PRKG1: variants seen among roughly 807,000 people sequenced by gnomAD.
The protein encoded by PRKG1 is protein kinase cGMP-dependent 1.
Under a neutral mutation model 88.1 loss-of-function variants are expected in PRKG1, and 35 were observed. The ratio of observed to expected loss-of-function variants is 0.40; its 90% CI spans 0.30 to 0.53. The LOEUF (loss-of-function observed/expected upper bound fraction) is 0.53. Ranked by LOEUF, PRKG1 falls within the 20% of genes least tolerant of loss-of-function variation. The probability of loss-of-function intolerance (pLI) is 0.59; values close to 1 mark genes in which losing one functional copy is unlikely to be tolerated. For missense variants in PRKG1, 540 were observed against 839.8 expected, an observed-to-expected ratio of 0.64 and a Z score of 4.41; for synonymous variants, 303 against 292.5, an observed-to-expected ratio of 1.04 and a Z score of -0.37.
intron 1 of PRKG1, among the ~76,000 whole-genome samples, chr10:51,086,759 A>G (rs954659918): frequency 6.6e-6 from 1 of 152,142 alleles, no homozygotes; most frequent in Non-Finnish European, 1.5e-5. Flanking sequence ...CTGATCATCA[A>G]AGAGGAGGAT....
chr10:51,967,884 A>T (rs928471260), intron 5 of PRKG1, among the ~76,000 whole-genome samples: 2 of 152,008 alleles, frequency 1.3e-5, no homozygotes, highest in Non-Finnish European at 2.9e-5. Flanking sequence ...TCATTTTCTC[A>T]GTTCATCACC....
intron 5 of PRKG1, among the ~76,000 whole-genome samples, chr10:51,913,228 C>A (rs953379082): frequency 1.3e-5 from 2 of 152,102 alleles, no homozygotes; most frequent in African/African-American, 4.8e-5. Flanking sequence ...GGCGCCCACC[C>A]AATTTCTATT....
At chr10:51,702,028 A>G (rs1841481701) in intron 3 of PRKG1, among the ~76,000 whole-genome samples, 2 of 152,210 alleles carry the variant, frequency 1.3e-5, no homozygotes, top group African/African-American at 4.8e-5. Flanking sequence ...CATCAGACCA[A>G]ACTAAATTTG....
At chr10:52,209,489 G>A (rs1379608624) in intron 9 of PRKG1, among the ~76,000 whole-genome samples, 2 of 152,148 alleles carry the variant, frequency 1.3e-5, no homozygotes, top group East Asian at 1.9e-4. Flanking sequence ...TTGTATTCAT[G>A]TCAAGGGCCT....
At chr10:51,502,445 G>A (rs1841058636) in intron 3 of PRKG1, among the ~76,000 whole-genome samples, 1 of 152,118 alleles carries the variant, frequency 6.6e-6, no homozygotes, top group African/African-American at 2.4e-5. Flanking sequence ...TTAGAGAGCT[G>A]TATCTTGAGC....
chr10:51,949,368 T>A (rs141575834), intron 5 of PRKG1, among the ~76,000 whole-genome samples: 337 of 152,134 alleles, frequency 2.2e-3, no homozygotes, highest in African/African-American at 7.4e-3. Context: ...ATCCCGGCAC[T>A]TTGGGAGGCC....
intron 1 of PRKG1, among the ~76,000 whole-genome samples, chr10:51,046,425 T>C (rs747829164): frequency 1.3e-5 from 2 of 152,216 alleles, no homozygotes; most frequent in African/African-American, 2.4e-5. Flanking sequence ...TCTTGATAAG[T>C]GTTATGAAAC....
intron 5 of PRKG1, among the ~76,000 whole-genome samples, chr10:51,952,203 T>A (rs1157968323): frequency 2.0e-5 from 3 of 152,222 alleles, no homozygotes; most frequent in Non-Finnish European, 4.4e-5. Flanking sequence ...ACTGACCTGA[T>A]GTTTGTCCAA....
intron 10 of PRKG1, among the ~76,000 whole-genome samples, chr10:52,264,293 C>T (rs1387447914): frequency 1.3e-5 from 2 of 152,012 alleles, no homozygotes; most frequent in African/African-American, 4.8e-5. Flanking sequence ...TATTATAGGC[C>T]TTTGGCTGAT....
At chr10:52,005,074 A>G (rs1033729800) in intron 5 of PRKG1, among the ~76,000 whole-genome samples, 1 of 152,002 alleles carries the variant, frequency 6.6e-6, no homozygotes, top group Non-Finnish European at 1.5e-5. Flanking sequence ...GTGTTACAGG[A>G]CTTTTGATAG....
At position 51,074,547 on chromosome 10, in the gene PRKG1, C is replaced by G. The variant is rs1426106597; in HGVS notation, c.-44C>G. ...TCGGAGAGGGGAGGAAGCCTCAAGACGCGGAGCAGCGGCAGGAAGGAGCCC... is the reference window on the plus strand; with the variant it reads ...TCGGAGAGGGGAGGAAGCCTCAAGAGGCGGAGCAGCGGCAGGAAGGAGCCC... On this transcript the variant is annotated 5_prime_UTR_variant, in exon 1 of 18. Coordinates refer to ENST00000373980, the MANE Select transcript of PRKG1 (RefSeq NM_006258.4). 4 of 1,579,490 alleles carry G rather than the reference C, an allele frequency of 2.5e-6. No homozygotes were observed. Among genetic ancestry groups the G allele is most frequent in the East Asian group, 2.3e-5 (1 of 44,134 alleles).
In PRKG1 at chr10:52,056,707, A is replaced by G. The variant is rs1368160795; in HGVS notation, c.840+2146A>G. Among the ~76,000 whole-genome samples, 5 of 152,252 alleles carry G rather than the reference A, an allele frequency of 3.3e-5. No individual in the cohort carries two copies. The South Asian group carries it at 6.2e-4, about 19-fold the overall frequency. On this transcript the variant is annotated intron_variant, in intron 6 of 17. Coordinates refer to ENST00000373980, the MANE Select transcript of PRKG1 (RefSeq NM_006258.4). ...CTAACTTACTTTTTTAGGTCACACA[A>G]GTTAGCTGCTATGATTCTTAGTTAT...
At chr10:51,071,845 CTAAA>C (rs1269434197), upstream of PRKG1, among the ~76,000 whole-genome samples, 2 of 152,128 alleles carry the variant, frequency 1.3e-5, no homozygotes, top group Non-Finnish European at 2.9e-5. Flanking sequence ...CATTTAAACC[CTAAA>C]TAAACTCTAA....
At chr10:51,660,087 A>T (rs924621136) in intron 3 of PRKG1, among the ~76,000 whole-genome samples, 5 of 151,454 alleles carry the variant, frequency 3.3e-5, no homozygotes, top group Non-Finnish European at 7.4e-5. Flanking sequence ...TTGCTGAAAA[A>T]AAGAGACAAA....
intron 1 of PRKG1, among the ~76,000 whole-genome samples, chr10:50,996,909 T>C (rs554949819): frequency 1.9e-4 from 29 of 152,372 alleles, no homozygotes; most frequent in Admixed American, 1.7e-3. Context: ...GAGTAATATT[T>C]CTGACAAGAT....
Position 51,946,818 on chromosome 10 carries a change from G to A in PRKG1, c.762+39248G>A, listed in dbSNP as rs181831990. ...ATGCTGCTGTGTGATCGTTCCTCTG[G>A]AAGTTTTGTCTCAGAGGAGTACCCA... On this transcript the variant is annotated intron_variant, in intron 5 of 17. Transcript: ENST00000373980. 1.5e-3 allele frequency among the ~76,000 whole-genome samples: 225 copies of A among 152,118 alleles called. 1 individual carries two copies. Among genetic ancestry groups the A allele is most frequent in the African/African-American group, 4.9e-3 (204 of 41,402 alleles).
chr10:51,896,544 CA>C (rs35027382), intron 4 of PRKG1, among the ~76,000 whole-genome samples: 35,382 of 140,590 alleles, frequency 0.25, 4,388 homozygotes, highest in Admixed American at 0.35. Context: ...CCTGTCTCTA[CA>C]AAAAAATAAA....
chr10:51,142,067 A>T (rs1375225787), intron 1 of PRKG1, among the ~76,000 whole-genome samples: 4 of 152,116 alleles, frequency 2.6e-5, no homozygotes, highest in African/African-American at 9.7e-5. Context: ...TTTCTCCTCC[A>T]TATGTACATA....
intron 7 of PRKG1, among the ~76,000 whole-genome samples, chr10:52,118,693 C>A (rs775243571): frequency 8.6e-5 from 13 of 151,806 alleles, no homozygotes; most frequent in Non-Finnish European, 1.6e-4. Flanking sequence ...ATATGAATTT[C>A]TTTTCTTTAC....
Sources: allele counts gnomAD v4.1 joint callset (sites outside exome capture counted in the v4.1 genomes callset), GRCh38; gene constraint gnomAD v4.1.1; transcripts MANE v1.5; gene names NCBI Gene and HGNC (gene_info 2026-07-23, HGNC 2026-07-21).